The following SHISA6 variants were observed in gnomAD, a reference collection of about 807,000 sequenced individuals.
SHISA6 encodes the protein shisa family member 6, also known as protein shisa-6.
A neutral mutation model predicts 47.9 loss-of-function variants in SHISA6; 22 were observed. The ratio of observed to expected loss-of-function variants is 0.46; its 90% CI spans 0.33 to 0.66. The LOEUF (loss-of-function observed/expected upper bound fraction) is 0.66. Ranked by LOEUF, SHISA6 falls within the 30% of genes least tolerant of loss-of-function variation. The pLI, the probability that SHISA6 is intolerant of heterozygous loss-of-function variation, is 0.02. For missense variants in SHISA6, 680 were observed against 764.6 expected, an observed-to-expected ratio of 0.89 and a Z score of 1.30; for synonymous variants, 388 against 337.8, an observed-to-expected ratio of 1.15 and a Z score of -1.63.
intron 3 of SHISA6, among the ~76,000 whole-genome samples, chr17:11,438,916 C>A (rs937425932): frequency 6.6e-6 from 1 of 152,058 alleles, no homozygotes; most frequent in East Asian, 1.9e-4. Flanking sequence ...TGATTTATAG[C>A]AAGTCTCAGG....
At chr17:11,472,347 C>G (rs1915954910) in intron 3 of SHISA6, among the ~76,000 whole-genome samples, 1 of 152,112 alleles carries the variant, frequency 6.6e-6, no homozygotes, top group Non-Finnish European at 1.5e-5. Context: ...CAGGCTCATG[C>G]CACCACACCT....
chr17:11,516,513 T>G (rs1179723743), intron 3 of SHISA6, among the ~76,000 whole-genome samples: 1 of 152,172 alleles, frequency 6.6e-6, no homozygotes, highest in African/African-American at 2.4e-5. Context: ...GATGTGCTGG[T>G]AGACAAGCTG....
chr17:11,526,850 G>C (rs1389552678), intron 3 of SHISA6, among the ~76,000 whole-genome samples: 1 of 67,892 alleles, frequency 1.5e-5, no homozygotes, highest in South Asian at 4.9e-4. Context: ...GGGTACATGT[G>C]ATATCTTGAT....
intron 3 of SHISA6, among the ~76,000 whole-genome samples, chr17:11,477,443 A>G (rs1048395858): frequency 2.6e-5 from 4 of 151,832 alleles, no homozygotes; most frequent in African/African-American, 9.7e-5. Context: ...TTATATTTTA[A>G]GTTTTAGGGT....
intron 2 of SHISA6, among the ~76,000 whole-genome samples, chr17:11,311,010 G>T (rs968360041): frequency 6.7e-6 from 1 of 149,992 alleles, no homozygotes; most frequent in East Asian, 2.0e-4. Context: ...AGGAGGCTAA[G>T]GCAGGAGAAT....
chr17:11,496,459 G>A (rs1177664097), intron 3 of SHISA6, among the ~76,000 whole-genome samples: 2 of 152,210 alleles, frequency 1.3e-5, no homozygotes, highest in African/African-American at 4.8e-5. Context: ...AGAAGTGGGG[G>A]CCGGGTACGG....
rs1335422596 is a variant in SHISA6 at position 11,508,758 on chromosome 17, ACT to A, written c.896-43135_896-43134del. The stretch of plus-strand genomic sequence containing the variant: ...CTAGCAAATATTTATGAAGTTAGTG[ACT>A]CTGTACCATGCACTCCTTTAGGTAT... On this transcript the variant is annotated intron_variant, in intron 3 of 5. Transcript: ENST00000441885. 2.2e-5 allele frequency among the ~76,000 whole-genome samples: 3 copies of A among 137,672 alleles called. 1 individual carries two copies. Among genetic ancestry groups the A allele is most frequent in the Admixed American group, 7.2e-5 (1 of 13,834 alleles). The allele number at this position is 137,672 out of a possible 152,430, so 90.3% of individuals were successfully genotyped here.
chr17:11,425,412 T>C (rs1914583314), intron 3 of SHISA6, among the ~76,000 whole-genome samples: 1 of 152,128 alleles, frequency 6.6e-6, no homozygotes, highest in Admixed American at 6.5e-5. Flanking sequence ...GGCCCTCAGC[T>C]TCCTCATCTT....
intron 3 of SHISA6, among the ~76,000 whole-genome samples, chr17:11,503,852 C>T (rs2071475724): frequency 6.6e-6 from 1 of 152,178 alleles, no homozygotes; most frequent in Non-Finnish European, 1.5e-5. Context: ...TATTTGTATG[C>T]TCTGTCAGTC....
intron 1 of SHISA6, among the ~76,000 whole-genome samples, chr17:11,257,962 A>G (rs1908080323): frequency 1.3e-5 from 2 of 152,352 alleles, no homozygotes; most frequent in African/African-American, 4.8e-5. Flanking sequence ...ACTAAAGATT[A>G]GACTGATGGC....
At chr17:11,414,946 C>T (rs1037419626) in intron 3 of SHISA6, among the ~76,000 whole-genome samples, 9 of 151,096 alleles carry the variant, frequency 6.0e-5, no homozygotes, top group African/African-American at 1.5e-4. Context: ...ATTAGCCGGG[C>T]GTGGTGGCAC....
chr17:11,442,067 T>C (rs1456486051), intron 3 of SHISA6, among the ~76,000 whole-genome samples: 1 of 152,174 alleles, frequency 6.6e-6, no homozygotes, highest in Non-Finnish European at 1.5e-5. Flanking sequence ...TTATCCTTTT[T>C]CTGGGTGTAT....
intron 2 of SHISA6, among the ~76,000 whole-genome samples, chr17:11,317,626 T>C (rs1464412814): frequency 1.3e-5 from 2 of 151,960 alleles, no homozygotes; most frequent in African/African-American, 4.8e-5. Context: ...TTTTTTAAAC[T>C]TTGTTTTTGT....
intron 2 of SHISA6, among the ~76,000 whole-genome samples, chr17:11,300,762 T>A (rs1909898789): frequency 6.6e-6 from 1 of 151,784 alleles, no homozygotes; most frequent in Non-Finnish European, 1.5e-5. Context: ...CTTATTTCAA[T>A]TCCCCGGCAT....
intron 3 of SHISA6, among the ~76,000 whole-genome samples, chr17:11,390,938 G>A (rs1301839914): frequency 6.6e-6 from 1 of 152,218 alleles, no homozygotes; most frequent in African/African-American, 2.4e-5. Flanking sequence ...AATGGGAAGT[G>A]CCATGAAGTA....
At chr17:11,474,958 A>G (rs1916018643) in intron 3 of SHISA6, among the ~76,000 whole-genome samples, 4 of 152,138 alleles carry the variant, frequency 2.6e-5, no homozygotes, top group African/African-American at 7.2e-5. Flanking sequence ...TTTTGACATT[A>G]TTGAATCTAT....
intron 2 of SHISA6, among the ~76,000 whole-genome samples, chr17:11,305,067 C>T (rs1343598774): frequency 2.0e-5 from 3 of 152,218 alleles, no homozygotes; most frequent in Admixed American, 6.5e-5. Context: ...TGAGGCACTT[C>T]TTCATGCGTC....
chr17:11,484,400 T>C (rs918792142), intron 3 of SHISA6, among the ~76,000 whole-genome samples: 9 of 151,020 alleles, frequency 6.0e-5, no homozygotes, highest in African/African-American at 2.0e-4. Context: ...TAAAAAAGGG[T>C]TTTTGTTGTT....
At chr17:11,435,908 T>C (rs574593353) in intron 3 of SHISA6, among the ~76,000 whole-genome samples, 1 of 152,348 alleles carries the variant, frequency 6.6e-6, no homozygotes, top group South Asian at 2.1e-4. Flanking sequence ...CTTTTTGTTT[T>C]TCCTTTTTAT....
Sources: allele counts gnomAD v4.1 joint callset (sites outside exome capture counted in the v4.1 genomes callset), GRCh38; gene constraint gnomAD v4.1.1; transcripts MANE v1.5; gene names NCBI Gene and HGNC (gene_info 2026-07-23, HGNC 2026-07-21).